ITGA4: variants seen among roughly 807,000 people sequenced by gnomAD.
The protein encoded by ITGA4 is integrin subunit alpha 4.
In ITGA4, 63 loss-of-function variants were observed where a neutral mutation model predicts 133.6. The ratio of observed to expected loss-of-function variants is 0.47; its 90% confidence interval spans 0.38 to 0.58. The LOEUF (loss-of-function observed/expected upper bound fraction) is 0.58. Among genes scored for constraint, ITGA4 ranks in the 20% least tolerant of loss-of-function variants. ITGA4 has a pLI of 0.00. For missense variants in ITGA4, 1,076 were observed against 1,252.7 expected, an observed-to-expected ratio of 0.86 and a Z score of 2.13; for synonymous variants, 483 against 438.0, an observed-to-expected ratio of 1.10 and a Z score of -1.28.
rs1685446650 is a variant in ITGA4 at position 181,467,456 on chromosome 2, C to A, written c.320-7504C>A. Among the ~76,000 whole-genome samples the A allele has an allele frequency of 2.6e-5, 4 of 152,028 alleles. No individual in the cohort carries two copies. The South Asian group carries it at 8.3e-4, about 32-fold the overall frequency. ...ATTAGAAAGTCCCAAGCTCTCCTAG[C>A]CAAAAAGTATTTCACTAGCACTGTC... is the stretch of plus-strand genomic sequence containing the variant. On this transcript the variant is annotated intron_variant, in intron 2 of 27. Coordinates refer to ENST00000397033, the MANE Select transcript of ITGA4 (RefSeq NM_000885.6).
chr2:181,475,286 A>G lies in ITGA4; in HGVS notation c.554A>G (p.Gln185Arg). 1 of 1,610,082 alleles carries G rather than the reference A, an allele frequency of 6.2e-7. No individual in the cohort carries two copies. Among genetic ancestry groups the G allele is most frequent in the Non-Finnish European group, 8.5e-7 (1 of 1,177,596 alleles). The change falls in exon 4 of 28, where the codon CAA (glutamine) becomes CGA (arginine). Residue 185 changes from glutamine (Q) to arginine (R), a missense_variant and splice_region_variant. By Grantham distance (43) the Gln-to-Arg change is conservative. This residue lies in a region of ITGA4 where 436 missense variants were observed against 590.7 expected (regional missense o/e 0.74). Coordinates refer to ENST00000397033, the MANE Select transcript of ITGA4 (RefSeq NM_000885.6). ...ELSKRIAPCYQDYVKKFGENF... is the reference protein window; with the variant it reads ...ELSKRIAPCYRDYVKKFGENF... ...AGTAAAAGAATAGCTCCGTGTTATC[A>G]AGGTAAGGCATGATTTTGATACGAA...
intron 10 of ITGA4, among the ~76,000 whole-genome samples, chr2:181,490,500 TGTGTGTGTG>T (rs1686026901): frequency 1.3e-5 from 2 of 148,252 alleles, no homozygotes; most frequent in African/African-American, 4.9e-5. Context: ...TGTGTGTGTG[TGTGTGTGTG>T]TGTGTGTGTG....
At chr2:181,515,824 G>T (rs559073152) in intron 17 of ITGA4, among the ~76,000 whole-genome samples, 99 of 152,186 alleles carry the variant, frequency 6.5e-4, no homozygotes, top group Admixed American at 1.3e-3. Context: ...TAGGCGAATT[G>T]TGACCATATG....
Position 181,538,183 on chromosome 2 carries a change from G to A in ITGA4, c.*2656G>A, listed in dbSNP as rs1687283954. On this transcript the variant is annotated 3_prime_UTR_variant, in exon 28 of 28. Transcript: ENST00000397033. ...ACATTTCTTTTAGAAACAATTACAT[G>A]TTACTTTGGAATCATTTCTTCCATG... 3 of 1,557,870 alleles carry A rather than the reference G, an allele frequency of 1.9e-6. No homozygotes were observed. Among genetic ancestry groups the A allele is most frequent in the Middle Eastern group, 2.1e-4 (1 of 4,834 alleles).
At chr2:181,493,491 T>C in intron 11 of ITGA4, 72 bp downstream of exon 11, 1 of 852,846 alleles carries the variant, frequency 1.2e-6, no homozygotes, top group South Asian at 1.7e-5. Flanking sequence ...AGGGTTTATG[T>C]GGACTTATTT....
chr2:181,463,024 C>A (rs1386227735), intron 2 of ITGA4, among the ~76,000 whole-genome samples: 4 of 152,082 alleles, frequency 2.6e-5, no homozygotes, highest in East Asian at 3.8e-4. Context: ...GAGATTTAAT[C>A]TAGGTAAGAC....
rs892033825 is a variant in ITGA4 at position 181,475,395 on chromosome 2, C to T, written c.556+107C>T. The T allele has an allele frequency of 5.7e-6, 5 of 869,908 alleles. No homozygotes were observed. In the African/African-American group the frequency reaches 8.4e-5, roughly 15 times the overall value. 53.9% of individuals were successfully genotyped at this position (869,908 alleles called of 1,614,324 possible). A position where few individuals can be genotyped will look rare whatever the true frequency, so the allele number is the denominator to read the frequency against. ...GATGTTCAGAGGAGAGGGAGATCTT[C>T]TAAGTAATTATGTTCTTTTTAACTA... On this transcript the variant is annotated intron_variant, in intron 4 of 27. Transcript: ENST00000397033.
At chr2:181,462,371 C>G (rs939802944) in intron 2 of ITGA4, among the ~76,000 whole-genome samples, 3 of 152,096 alleles carry the variant, frequency 2.0e-5, no homozygotes, top group Admixed American at 2.0e-4. Flanking sequence ...TATTATATAA[C>G]CTATTTGAAA....
rs899315234 is a variant in ITGA4, at chr2:181,516,343, C to G, written c.1922+4568C>G. Among the ~76,000 whole-genome samples, 2 of 152,008 alleles carry G rather than the reference C, an allele frequency of 1.3e-5. No homozygotes were observed. Among genetic ancestry groups the G allele is most frequent in the African/African-American group, 4.8e-5 (2 of 41,396 alleles). On this transcript the variant is annotated intron_variant, in intron 17 of 27. Transcript: ENST00000397033. This position sits in a 1 kb window ranked among gnomAD's most constrained non-coding sequence, Gnocchi z 4.0. The stretch of plus-strand genomic sequence containing the variant: ...GACTTAAACAATAAAGATATTATTT[C>G]GCATAATAAGCAGTCTTGAGGAAGG...
Position 181,529,641 on chromosome 2 carries a change from A to G in ITGA4, c.2531A>G (p.Asp844Gly). The G allele has an allele frequency of 6.5e-7, 1 of 1,536,338 alleles. No individual in the cohort carries two copies. The highest frequency in any genetic ancestry group is 9.0e-7 in the Non-Finnish European group (1 of 1,111,144). The change falls in exon 23 of 28, where the codon GAT (aspartate) becomes GGT (glycine). Residue 844 changes from aspartate (D) to glycine (G), a missense_variant. Coordinates refer to ENST00000397033, the MANE Select transcript of ITGA4 (RefSeq NM_000885.6). ...ACTGATAAGCTGTTCAACATTTTGG[A>G]TGTCCAGGTAAAAATGTATTTCTTC... is the stretch of plus-strand genomic sequence containing the variant. ...PQTDKLFNIL[D>G]VQTTTGECHF...
In ITGA4 at chr2:181,457,580, G is replaced by A; in HGVS notation, c.-75G>A. 2.9e-6 allele frequency: 4 copies of A among 1,380,746 alleles called. No individual in the cohort carries two copies. The highest frequency in any genetic ancestry group is 1.3e-5 in the South Asian group (1 of 77,316). 85.5% of individuals were successfully genotyped at this position (1,380,746 alleles called of 1,614,324 possible). A position where few individuals can be genotyped will look rare whatever the true frequency, so the allele number is the denominator to read the frequency against. On this transcript the variant is annotated 5_prime_UTR_variant, in exon 1 of 28. Transcript: ENST00000397033. Reference sequence around the variant, plus strand: ...CTCATCTCTTGGGGCGTTCTTCCCCGTTGGCCAACCGTCGCATCCCGTGCA... The same window carrying A: ...CTCATCTCTTGGGGCGTTCTTCCCCATTGGCCAACCGTCGCATCCCGTGCA...
chr2:181,528,164 G>A (rs1359005227), intron 22 of ITGA4, among the ~76,000 whole-genome samples: 1 of 152,136 alleles, frequency 6.6e-6, no homozygotes. Flanking sequence ...AGAATCACTT[G>A]GGGTACCTAT....
chr2:181,492,978 G>C (rs1246336899), intron 10 of ITGA4: 1 of 185,980 alleles, frequency 5.4e-6, no homozygotes, highest in East Asian at 1.5e-4. Flanking sequence ...ATATAGGTGA[G>C]GGAATTGAAA....
chr2:181,515,736 T>C (rs1362382075), intron 17 of ITGA4, among the ~76,000 whole-genome samples: 1 of 152,164 alleles, frequency 6.6e-6, no homozygotes, highest in Non-Finnish European at 1.5e-5. Flanking sequence ...AAGTGCTTTG[T>C]GTTTTGGTAA....
intron 10 of ITGA4, among the ~76,000 whole-genome samples, chr2:181,492,511 T>C (rs77784920): frequency 2.6e-5 from 4 of 151,804 alleles, no homozygotes; most frequent in African/African-American, 9.7e-5. Context: ...TATGCATAAA[T>C]AGACAATACT....
Position 181,523,083 on chromosome 2 carries a change from T to C in ITGA4, c.2074-354T>C, listed in dbSNP as rs1686752301. Among the ~76,000 whole-genome samples the C allele has an allele frequency of 6.6e-6, 1 of 152,112 alleles. No individual in the cohort carries two copies. Among genetic ancestry groups the C allele is most frequent in the Non-Finnish European group, 1.5e-5 (1 of 68,032 alleles). Reference sequence around the variant, plus strand: ...CAGACCCTGGATTAAATAGGGAATATATCAAGATAAATGAAAGCTACAAGT... The same window carrying C: ...CAGACCCTGGATTAAATAGGGAATACATCAAGATAAATGAAAGCTACAAGT... On this transcript the variant is annotated intron_variant, in intron 18 of 27. Transcript: ENST00000397033. The surrounding 1 kb of genome is among the most constrained non-coding windows in gnomAD (Gnocchi z 4.2).
intron 2 of ITGA4, among the ~76,000 whole-genome samples, chr2:181,471,134 T>G (rs944036822): frequency 6.6e-6 from 1 of 152,234 alleles, no homozygotes; most frequent in Non-Finnish European, 1.5e-5. Context: ...GATTGTTTCA[T>G]GACTATTTCC....
chr2:181,523,550 A>G lies in ITGA4; in HGVS notation c.2169+18A>G, dbSNP rs751509535. On this transcript the variant is annotated intron_variant, in intron 19 of 27. Transcript: ENST00000397033. This position sits in a 1 kb window ranked among gnomAD's most constrained non-coding sequence, Gnocchi z 4.2. Reference sequence around the variant, plus strand: ...TCTCAAGGGTAAGTGTTTCATATTTATGGCTTTTGTTCACTATCATGAATA... The same window carrying G: ...TCTCAAGGGTAAGTGTTTCATATTTGTGGCTTTTGTTCACTATCATGAATA... 2.6e-5 allele frequency: 35 copies of G among 1,350,848 alleles called. No individual in the cohort carries two copies. Among genetic ancestry groups the G allele is most frequent in the Non-Finnish European group, 3.6e-5 (34 of 943,852 alleles). 83.7% of individuals were successfully genotyped at this position (1,350,848 alleles called of 1,614,324 possible).
Position 181,478,822 on chromosome 2 carries a change from A to G in ITGA4, c.622A>G (p.Lys208Glu). Reference sequence around the variant, plus strand: ...AGCTGGAATATCCAGTTTTTACACAAAGGTAATTGTTCAAAAAATAGCTGC... The same window carrying G: ...AGCTGGAATATCCAGTTTTTACACAGAGGTAATTGTTCAAAAAATAGCTGC... ...CQAGISSFYT[K>E]DLIVMGAPGS... Residue 208 changes from lysine to glutamate, a missense_variant and splice_region_variant, in exon 5 of 28, where the codon AAG (lysine) becomes GAG (glutamate). Transcript: ENST00000397033. 6.9e-7 allele frequency: 1 copy of G among 1,442,746 alleles called. No individual in the cohort carries two copies. The highest frequency in any genetic ancestry group is 9.3e-7 in the Non-Finnish European group (1 of 1,076,378). 89.4% of individuals were successfully genotyped at this position (1,442,746 alleles called of 1,614,324 possible).
Sources: gnomAD v4.1 joint callset for allele counts (sites outside exome capture counted in the v4.1 genomes callset) on GRCh38, gnomAD v4.1.1 for gene constraint, gnomAD v4.1.1 regional missense constraint, Gnocchi (gnomAD v3.1) non-coding constraint, MANE v1.5 for transcripts, NCBI Gene and HGNC (gene_info 2026-07-23, HGNC 2026-07-21) for gene names.